The following HDAC8 variants were observed in gnomAD, a reference collection of about 807,000 sequenced individuals.
The protein encoded by HDAC8 is histone deacetylase-like 1.
Under a neutral mutation model 32.2 loss-of-function variants are expected in HDAC8, and 1 was observed. The observed-to-expected ratio is 0.03, with a 90% CI of 0.01 to 0.15. HDAC8 has a LOEUF of 0.15. Ranked by LOEUF, HDAC8 falls within the 10% of genes least tolerant of loss-of-function variation. The pLI is 1.00. For missense variants in HDAC8, 117 were observed against 300.0 expected, an observed-to-expected ratio of 0.39 and a Z score of 4.51; for synonymous variants, 108 against 113.9, an observed-to-expected ratio of 0.95 and a Z score of 0.33.
At chrX:72,347,488 C>A (rs782418354) in intron 10 of HDAC8, among the ~76,000 whole-genome samples, 1 of 111,773 alleles carries the variant, frequency 8.9e-6, no homozygotes, top group Non-Finnish European at 1.9e-5. Flanking sequence ...AAATGCACAA[C>A]TCCCCCACTC....
At chrX:72,453,524 A>AAAGAAAGAAAGAAAGAAAGAAAG (rs782366543) in intron 9 of HDAC8, among the ~76,000 whole-genome samples, 7 of 99,787 alleles carry the variant, frequency 7.0e-5, no homozygotes, top group African/African-American at 2.2e-4. Context: ...AAGAAAGAAA[A>AAAGAAAGAAAGAAAGAAAGAAAG]AGAAAGAAAA....
intron 2 of HDAC8, 128 bp downstream of exon 2, chrX:72,571,929 T>A: frequency 1.8e-6 from 1 of 556,879 alleles, no homozygotes; most frequent in Non-Finnish European, 2.8e-6. Flanking sequence ...ACAAACACTG[T>A]GAATACTTTC....
intron 4 of HDAC8, among the ~76,000 whole-genome samples, chrX:72,532,473 C>CTTTT (rs782603262): frequency 1.2e-5 from 1 of 85,818 alleles, no homozygotes; most frequent in Non-Finnish European, 2.3e-5. Flanking sequence ...TTGCTAGTGT[C>CTTTT]TTTTTTTTTT....
rs1556007516 is a variant in HDAC8 at position 72,488,989 on chromosome X, T to C, written c.681A>G (p.Val227=). ...GTATGCCATCCTGAATGGGCACATT[T>C]ACACTGTAGTACCGTCCCTTCCCTA... ...VGLGKGRYYS[V]NVPIQDGIQD... is the part of the protein sequence containing the mutation. Residue 227 remains valine (V), a synonymous_variant, in exon 7 of 11, where the codon GTA becomes GTG. Coordinates refer to ENST00000373573, the MANE Select transcript of HDAC8 (RefSeq NM_018486.3). 1.7e-6 allele frequency: 2 copies of C among 1,194,210 alleles called. No homozygotes were observed. The highest frequency in any genetic ancestry group is 2.3e-5 in the Admixed American group (1 of 43,955).
At chrX:72,443,235 T>C (rs1371551201) in intron 9 of HDAC8, among the ~76,000 whole-genome samples, 2 of 109,645 alleles carry the variant, frequency 1.8e-5, no homozygotes, top group Admixed American at 9.8e-5. Flanking sequence ...AATATACATT[T>C]TTTTCAGCAC....
chrX:72,572,599 G>GGCCCCCCCCCC, intron 1 of HDAC8, 52 bp downstream of exon 1: 1 of 453,102 alleles, frequency 2.2e-6, no homozygotes. Context: ...TTCGTCCACC[G>GGCCCCCCCCCC]CCCCCACCCC....
intron 9 of HDAC8, among the ~76,000 whole-genome samples, chrX:72,370,363 A>T (rs180774213): frequency 3.1e-4 from 35 of 111,981 alleles, no homozygotes; most frequent in Admixed American, 3.0e-3. Context: ...AGAGAAACAG[A>T]ACTACATGGT....
intron 9 of HDAC8, among the ~76,000 whole-genome samples, chrX:72,382,583 A>AT (rs1333756268): frequency 3.6e-5 from 4 of 112,546 alleles, no homozygotes; most frequent in Admixed American, 2.8e-4. Context: ...GTACTGATAC[A>AT]TGCTGCAACA....
At chrX:72,448,666 A>C (rs1247016535) in intron 9 of HDAC8, among the ~76,000 whole-genome samples, 1 of 112,190 alleles carries the variant, frequency 8.9e-6, no homozygotes, top group Non-Finnish European at 1.9e-5. Flanking sequence ...AATGGGAGAA[A>C]ATTTTTGCAA....
At chrX:72,459,233 G>A (rs188758069) in intron 9 of HDAC8, among the ~76,000 whole-genome samples, 2 of 111,470 alleles carry the variant, frequency 1.8e-5, no homozygotes, top group Non-Finnish European at 3.8e-5. Context: ...CTGAATCCAG[G>A]TCTCAATAAG....
chrX:72,451,732 G>A (rs1555987477), intron 9 of HDAC8, among the ~76,000 whole-genome samples: 1 of 113,074 alleles, frequency 8.8e-6, no homozygotes, highest in South Asian at 3.6e-4. Flanking sequence ...GGCCATGAGG[G>A]CGAGATTACT....
chrX:72,433,256 T>C (rs1297483880), intron 9 of HDAC8, among the ~76,000 whole-genome samples: 1 of 111,150 alleles, frequency 9.0e-6, no homozygotes. Flanking sequence ...TCTACTGGCA[T>C]CTAGCGCATA....
At chrX:72,357,743 T>C (rs915905312) in intron 9 of HDAC8, among the ~76,000 whole-genome samples, 13 of 110,924 alleles carry the variant, frequency 1.2e-4, no homozygotes, top group Non-Finnish European at 2.3e-4. Context: ...CTGCAGATAG[T>C]ACCGAGCCTG....
chrX:72,365,201 C>T (rs1184996861), intron 9 of HDAC8, among the ~76,000 whole-genome samples: 1 of 111,847 alleles, frequency 8.9e-6, no homozygotes, highest in Non-Finnish European at 1.9e-5. Flanking sequence ...CCTTTGCACA[C>T]CATGTTGGTT....
chrX:72,479,294 T>C (rs2048429730), intron 7 of HDAC8, among the ~76,000 whole-genome samples: 1 of 110,532 alleles, frequency 9.0e-6, no homozygotes, highest in Non-Finnish European at 1.9e-5. Flanking sequence ...AGGGCAGAGG[T>C]TAGTGGGGTG....
intron 4 of HDAC8, among the ~76,000 whole-genome samples, chrX:72,502,543 C>G (rs1382472711): frequency 9.0e-6 from 1 of 111,247 alleles, no homozygotes; most frequent in African/African-American, 3.3e-5. Context: ...ATGAAATAAT[C>G]TGTATGACAA....
chrX:72,425,236 A>C (rs1217627510), intron 9 of HDAC8, among the ~76,000 whole-genome samples: 2 of 112,416 alleles, frequency 1.8e-5, no homozygotes, highest in Non-Finnish European at 3.8e-5. Context: ...TTAATAATAG[A>C]CAACCTAATG....
intron 7 of HDAC8, among the ~76,000 whole-genome samples, chrX:72,468,738 T>C (rs189043701): frequency 1.8e-5 from 2 of 111,923 alleles, no homozygotes; most frequent in Admixed American, 1.9e-4. Context: ...AAGCTTCTGG[T>C]CCACTAGGGG....
chrX:72,468,432 C>T (rs1555996036), intron 7 of HDAC8, among the ~76,000 whole-genome samples: 1 of 111,293 alleles, frequency 9.0e-6, no homozygotes, highest in Non-Finnish European at 1.9e-5. Context: ...GCCAATTCCT[C>T]CAGAATTCCC....
Sources: gnomAD v4.1 joint callset for allele counts (sites outside exome capture counted in the v4.1 genomes callset) on GRCh38, gnomAD v4.1.1 for gene constraint, MANE v1.5 for transcripts, NCBI Gene and HGNC (gene_info 2026-07-23, HGNC 2026-07-21) for gene names.